The following DNAH11 variants were observed in gnomAD, a reference collection of about 807,000 sequenced individuals.
DNAH11 encodes axonemal beta dynein heavy chain 11.
DNAH11 carries 442 observed loss-of-function variants against 526.0 expected under a neutral mutation model. The ratio of observed to expected loss-of-function variants is 0.84; its 90% confidence interval spans 0.78 to 0.91. The LOEUF is 0.91. DNAH11 is among the 40% of genes least tolerant of loss of function. The pLI, the probability that DNAH11 is intolerant of heterozygous loss-of-function variation, is 0.00. For missense variants in DNAH11, 6,989 were observed against 5,448.7 expected (o/e 1.28, Z -8.90); for synonymous variants, 2,461 against 1,935.9 (o/e 1.27, Z -7.12).
intron 28 of DNAH11, among the ~76,000 whole-genome samples, chr7:21,651,252 TTAGG>T (rs768160043): frequency 2.0e-5 from 3 of 152,156 alleles, no homozygotes; most frequent in Admixed American, 6.5e-5. Context: ...AGCAGCATCT[TTAGG>T]TAGGTAGGGC....
At chr7:21,839,812 C>T (rs752889416) in intron 65 of DNAH11, among the ~76,000 whole-genome samples, 3 of 151,892 alleles carry the variant, frequency 2.0e-5, no homozygotes, top group Non-Finnish European at 2.9e-5. Context: ...TAATCAACAA[C>T]TCTGAAGGTT....
chr7:21,750,197 TA>T, intron 53 of DNAH11, 24 bp from the exon 54 acceptor site: 1 of 1,557,518 alleles, frequency 6.4e-7, no homozygotes. Flanking sequence ...GATCTTTTAG[TA>T]ATTCTACTCA....
chr7:21,601,675 A>G, intron 18 of DNAH11, 57 bp downstream of exon 18: 1 of 1,322,484 alleles, frequency 7.6e-7, no homozygotes, highest in Admixed American at 2.7e-5. Context: ...TCTTTTATTA[A>G]AGTACTTTAC....
chr7:21,676,564 G>A (rs1314223057), intron 30 of DNAH11, among the ~76,000 whole-genome samples: 1 of 152,196 alleles, frequency 6.6e-6, no homozygotes, highest in East Asian at 1.9e-4. Flanking sequence ...AAGATCCCCA[G>A]CATATGATGC....
At chr7:21,839,490 G>A (rs1160965579) in intron 65 of DNAH11, among the ~76,000 whole-genome samples, 1 of 151,734 alleles carries the variant, frequency 6.6e-6, no homozygotes, top group East Asian at 1.9e-4. Flanking sequence ...CAGGAAAATG[G>A]CGTGAACCCA....
chr7:21,816,347 C>A, intron 63 of DNAH11, 120 bp from the exon 64 acceptor site: 1 of 769,152 alleles, frequency 1.3e-6, no homozygotes, highest in Non-Finnish European at 2.1e-6. Flanking sequence ...TGAGAATCCA[C>A]AGAAAATTAT....
At chr7:21,682,991 T>C (rs911054790) in intron 31 of DNAH11, among the ~76,000 whole-genome samples, 3 of 152,308 alleles carry the variant, frequency 2.0e-5, no homozygotes, top group Non-Finnish European at 4.4e-5. Flanking sequence ...TCCTTTAATA[T>C]GGCCTTGTAT....
intron 65 of DNAH11, among the ~76,000 whole-genome samples, chr7:21,826,696 A>T (rs1790314162): frequency 6.6e-6 from 1 of 152,176 alleles, no homozygotes; most frequent in African/African-American, 2.4e-5. Context: ...GAAAAGAGAA[A>T]GCCAGGAAAA....
chr7:21,796,900 T>C (rs1239264808), intron 61 of DNAH11, among the ~76,000 whole-genome samples: 3 of 152,076 alleles, frequency 2.0e-5, no homozygotes, highest in South Asian at 4.1e-4. Context: ...GTTATTTTTT[T>C]ATTTTATTTT....
intron 34 of DNAH11, among the ~76,000 whole-genome samples, chr7:21,688,064 A>G (rs1207820969): frequency 6.6e-6 from 1 of 152,178 alleles, no homozygotes; most frequent in Non-Finnish European, 1.5e-5. Flanking sequence ...CCTTTCTCCA[A>G]AAAACCCAAA....
At chr7:21,775,506 C>T (rs1345465421) in intron 56 of DNAH11, among the ~76,000 whole-genome samples, 1 of 151,788 alleles carries the variant, frequency 6.6e-6, no homozygotes, top group Non-Finnish European at 1.5e-5. Context: ...TAGACCCAGC[C>T]ACTTGAAAGG....
chr7:21,736,381 A>G (rs1028971183), intron 46 of DNAH11, among the ~76,000 whole-genome samples: 1 of 152,170 alleles, frequency 6.6e-6, no homozygotes, highest in African/African-American at 2.4e-5. Flanking sequence ...CAAAAGAGAC[A>G]TGGGATGTAG....
rs906861635 is a variant in DNAH11, at chr7:21,739,639, T to C, written c.7880T>C (p.Met2627Thr). 2.5e-6 allele frequency: 4 copies of C among 1,612,838 alleles called. No homozygotes were observed. In the East Asian group the frequency reaches 8.9e-5, roughly 36 times the overall value. The change falls in exon 48 of 82, where the codon ATG becomes ACG. Residue 2627 changes from methionine (M) to threonine (T), a missense_variant. Transcript: ENST00000409508. Reference protein sequence around the residue: ...NCQYVACMNPMVGSFTINPRL... With the variant: ...NCQYVACMNPTVGSFTINPRL... The stretch of plus-strand genomic sequence containing the variant: ...CAGTATGTCGCCTGCATGAATCCGA[T>C]GGTGGGCAGCTTCACCATCAATCCC...
At chr7:21,844,194 C>G (rs1195462098) in intron 66 of DNAH11, among the ~76,000 whole-genome samples, 1 of 152,122 alleles carries the variant, frequency 6.6e-6, no homozygotes, top group African/African-American at 2.4e-5. Context: ...GGCTGGATCA[C>G]TTGAGGGAAG....
At position 21,788,365 on chromosome 7, in the gene DNAH11, A is replaced by ATC. The variant is rs1181525939; in HGVS notation, c.9924+794_9924+795dup. 6.6e-5 allele frequency among the ~76,000 whole-genome samples: 10 copies of ATC among 151,920 alleles called. No homozygotes were observed. The East Asian group carries it at 1.8e-3, about 27-fold the overall frequency. On this transcript the variant is annotated intron_variant, in intron 60 of 81. Coordinates refer to ENST00000409508, the MANE Select transcript of DNAH11 (RefSeq NM_001277115.2). ...GGCCCACAGGGATAGGACTCTCTTG[A>ATC]TCTCTCTCTCTCTTTAGTGGCAATC...
chr7:21,710,179 G>C (rs937237010), intron 40 of DNAH11, among the ~76,000 whole-genome samples: 20 of 152,156 alleles, frequency 1.3e-4, no homozygotes, highest in Non-Finnish European at 2.5e-4. Flanking sequence ...ACAAATATTT[G>C]ATCTAAAATG....
intron 30 of DNAH11, among the ~76,000 whole-genome samples, chr7:21,676,668 T>G (rs1782904614): frequency 6.6e-6 from 1 of 152,234 alleles, no homozygotes. Flanking sequence ...AATCACAGGT[T>G]GTTGGGAGGC....
chr7:21,569,622 T>C (rs1783803156), intron 6 of DNAH11, among the ~76,000 whole-genome samples: 1 of 152,186 alleles, frequency 6.6e-6, no homozygotes, highest in South Asian at 2.1e-4. Context: ...TGTTACACAC[T>C]CCTAATCAGC....
At chr7:21,571,769 A>C in intron 7 of DNAH11, 37 bp from the exon 8 acceptor site, 1 of 1,526,352 alleles carries the variant, frequency 6.6e-7, no homozygotes, top group Non-Finnish European at 8.8e-7. Flanking sequence ...TTGCTGCTCA[A>C]TGTAGTGGAA....
Sources: gnomAD v4.1 joint callset for allele counts (sites outside exome capture counted in the v4.1 genomes callset) on GRCh38, gnomAD v4.1.1 for gene constraint, MANE v1.5 for transcripts, NCBI Gene and HGNC (gene_info 2026-07-23, HGNC 2026-07-21) for gene names.